The following MSI2 variants were observed in gnomAD, a reference collection of about 807,000 sequenced individuals.
The protein encoded by MSI2 is RNA-binding protein Musashi homolog 2.
MSI2 carries 17 observed loss-of-function variants against 45.6 expected under a neutral mutation model. That is an observed-to-expected ratio of 0.37 (90% confidence interval 0.26 to 0.56). The LOEUF (loss-of-function observed/expected upper bound fraction) is 0.56, where lower values mean the gene tolerates loss of function less well. Ranked by LOEUF, MSI2 falls within the 20% of genes least tolerant of loss-of-function variation. The probability of loss-of-function intolerance (pLI) is 0.77; values close to 1 mark genes in which losing one functional copy is unlikely to be tolerated. For synonymous variants in MSI2, 156 were observed against 158.2 expected (o/e 0.99, Z 0.11); for missense variants, 293 against 444.2 (o/e 0.66, Z 3.06).
At chr17:57,291,879 T>G (rs1017967326) in intron 5 of MSI2, among the ~76,000 whole-genome samples, 1 of 151,992 alleles carries the variant, frequency 6.6e-6, no homozygotes, top group African/African-American at 2.4e-5. Context: ...CCCGATCTCA[T>G]CTGAAGACCC....
chr17:57,418,258 G>A (rs562147184), intron 6 of MSI2, among the ~76,000 whole-genome samples: 4 of 152,218 alleles, frequency 2.6e-5, no homozygotes, highest in Non-Finnish European at 4.4e-5. Flanking sequence ...TCAACTTGAC[G>A]TCTCAAAGAA....
At chr17:57,455,729 G>A (rs780979342) in intron 6 of MSI2, among the ~76,000 whole-genome samples, 1 of 152,158 alleles carries the variant, frequency 6.6e-6, no homozygotes, top group Non-Finnish European at 1.5e-5. Flanking sequence ...GTTTTGAATT[G>A]TTGGCCTCCT....
At chr17:57,312,377 G>T (rs900955148) in intron 5 of MSI2, among the ~76,000 whole-genome samples, 1 of 152,126 alleles carries the variant, frequency 6.6e-6, no homozygotes, top group African/African-American at 2.4e-5. Context: ...AGGAAACCTG[G>T]TGTGGTGGTG....
chr17:57,501,647 A>G (rs2086109315), intron 6 of MSI2, among the ~76,000 whole-genome samples: 1 of 152,226 alleles, frequency 6.6e-6, no homozygotes, highest in Non-Finnish European at 1.5e-5. Flanking sequence ...TGAAGTGACC[A>G]AATGAACAGT....
chr17:57,388,629 C>G (rs1434678297), intron 5 of MSI2, among the ~76,000 whole-genome samples: 1 of 152,138 alleles, frequency 6.6e-6, no homozygotes, highest in Non-Finnish European at 1.5e-5. Context: ...CACCCAGCCT[C>G]CCCACCCAAT....
At chr17:57,676,265 C>T (rs113853322) in intron 12 of MSI2, among the ~76,000 whole-genome samples, 1,873 of 152,246 alleles carry the variant, frequency 0.012, 15 homozygotes, top group Admixed American at 0.018. Context: ...CAGACATGCA[C>T]GCACACGCAC....
At chr17:57,637,121 A>G (rs949576678) in intron 10 of MSI2, among the ~76,000 whole-genome samples, 1 of 152,172 alleles carries the variant, frequency 6.6e-6, no homozygotes, top group Non-Finnish European at 1.5e-5. Flanking sequence ...CCAGATTTCA[A>G]ATCACAAGCG....
chr17:57,525,087 A>T (rs1038594516), intron 6 of MSI2, among the ~76,000 whole-genome samples: 48 of 152,196 alleles, frequency 3.2e-4, no homozygotes, highest in African/African-American at 1.2e-3. Context: ...CCCCAACTCC[A>T]GCAGCCATAG....
intron 6 of MSI2, among the ~76,000 whole-genome samples, chr17:57,466,030 G>T (rs4794740): frequency 0.36 from 54,518 of 151,928 alleles, 12,145 homozygotes; most frequent in South Asian, 0.63. Context: ...GGAGACTCGG[G>T]TGCACACTCC....
chr17:57,627,533 T>C lies in MSI2; in HGVS notation c.727+230T>C. On this transcript the variant is annotated intron_variant, in intron 10 of 13. Coordinates refer to ENST00000284073, the MANE Select transcript of MSI2 (RefSeq NM_138962.4). This position sits in a 1 kb window ranked among gnomAD's most constrained non-coding sequence, Gnocchi z 4.6. ...CCGGGTATTTGAGAACGGCAGCTTT[T>C]AAAGGGAAAGCAGAACGGAGGCAGG... 1.7e-6 allele frequency: 1 copy of C among 578,400 alleles called. No homozygotes were observed. 35.8% of individuals were successfully genotyped at this position (578,400 alleles called of 1,614,324 possible). A position where few individuals can be genotyped will look rare whatever the true frequency, so the allele number is the denominator to read the frequency against.
chr17:57,502,636 T>TATATATAGAGAGAGAGAGAGAG, intron 6 of MSI2, among the ~76,000 whole-genome samples: 1 of 96,904 alleles, frequency 1.0e-5, no homozygotes, highest in Non-Finnish European at 2.1e-5. Context: ...TATATATATA[T>TATATATAGAGAGAGAGAGAGAG]AGTCATCATT....
chr17:57,534,786 T>C (rs909309872), intron 7 of MSI2, among the ~76,000 whole-genome samples: 2 of 152,232 alleles, frequency 1.3e-5, no homozygotes, highest in Non-Finnish European at 2.9e-5. Flanking sequence ...TGGCCTTCCA[T>C]ACGATGATTT....
rs902823569 is a variant in MSI2 at position 57,399,991 on chromosome 17, G to A, written c.313-1388G>A. Among the ~76,000 whole-genome samples, 14 of 152,266 alleles carry A rather than the reference G, an allele frequency of 9.2e-5. No individual in the cohort carries two copies. The East Asian group carries it at 1.9e-3, about 21-fold the overall frequency. On this transcript the variant is annotated intron_variant, in intron 5 of 13. Coordinates refer to ENST00000284073, the MANE Select transcript of MSI2 (RefSeq NM_138962.4). Reference sequence around the variant, plus strand: ...CGGGAGCCTCTGTGATGACTGACCCGGGCAGCCATGGCTCCTATGCTTCAG... The same window carrying A: ...CGGGAGCCTCTGTGATGACTGACCCAGGCAGCCATGGCTCCTATGCTTCAG...
Position 57,680,061 on chromosome 17 carries a change from G to T in MSI2, c.*544G>T. 4.4e-6 allele frequency: 1 copy of T among 228,410 alleles called. No individual in the cohort carries two copies. The highest frequency in any genetic ancestry group is 8.7e-6 in the Non-Finnish European group (1 of 115,050). The allele number at this position is 228,410 out of a possible 1,614,324, so 14.1% of individuals were successfully genotyped here. ...TCTGAGACTGTATGAATTTTCAGGT[G>T]GAACTTTAGCACACACTGAAGCAAA... On this transcript the variant is annotated 3_prime_UTR_variant, in exon 14 of 14. Coordinates refer to ENST00000284073, the MANE Select transcript of MSI2 (RefSeq NM_138962.4).
intron 5 of MSI2, among the ~76,000 whole-genome samples, chr17:57,378,639 C>A (rs558337100): frequency 7.9e-5 from 12 of 152,158 alleles, no homozygotes; most frequent in Non-Finnish European, 1.3e-4. Flanking sequence ...TCAAGCCATC[C>A]GCCTGCCTCA....
chr17:57,545,730 G>GTA (rs1406248312), intron 7 of MSI2, among the ~76,000 whole-genome samples: 4 of 152,156 alleles, frequency 2.6e-5, no homozygotes, highest in Non-Finnish European at 5.9e-5. Context: ...ACCCATCTCT[G>GTA]TACTGACTGG....
chr17:57,659,623 C>G (rs1428864751), intron 11 of MSI2, among the ~76,000 whole-genome samples: 1 of 152,146 alleles, frequency 6.6e-6, no homozygotes, highest in East Asian at 1.9e-4. Flanking sequence ...GGACTTGAAC[C>G]CAGGTCTCTG....
chr17:57,388,978 C>CTTTT (rs201575641), intron 5 of MSI2, among the ~76,000 whole-genome samples: 1 of 127,598 alleles, frequency 7.8e-6, no homozygotes, highest in Non-Finnish European at 1.7e-5. Flanking sequence ...TCTTCTTCTT[C>CTTTT]TTCTTTTTTT....
At chr17:57,405,900 G>C (rs978047332) in intron 6 of MSI2, among the ~76,000 whole-genome samples, 6 of 152,154 alleles carry the variant, frequency 3.9e-5, no homozygotes, top group Non-Finnish European at 8.8e-5. Flanking sequence ...TATTATGTAG[G>C]TGGTGAGGCT....
Sources: allele counts gnomAD v4.1 joint callset (sites outside exome capture counted in the v4.1 genomes callset), GRCh38; gene constraint gnomAD v4.1.1; non-coding constraint Gnocchi (gnomAD v3.1); transcripts MANE v1.5; gene names NCBI Gene and HGNC (gene_info 2026-07-23, HGNC 2026-07-21).